The following RMDN2 variants were observed in gnomAD, a reference collection of about 807,000 sequenced individuals.
The protein encoded by RMDN2 is regulator of microtubule dynamics protein 2.
A neutral mutation model predicts 52.8 loss-of-function variants in RMDN2; 61 were observed. That is an observed-to-expected ratio of 1.16 (90% CI 0.94 to 1.43). RMDN2 has a LOEUF of 1.43. RMDN2 is among the 40% of genes most tolerant of loss of function. The pLI is 0.00. For synonymous variants in RMDN2, 180 were observed against 153.1 expected (o/e 1.18, Z -1.30); for missense variants, 592 against 475.3 (o/e 1.25, Z -2.28).
intron 10 of RMDN2, among the ~76,000 whole-genome samples, chr2:38,058,063 A>G (rs1681910511): frequency 6.6e-6 from 1 of 152,248 alleles, no homozygotes; most frequent in South Asian, 2.1e-4. Flanking sequence ...AAAATGTCCG[A>G]CTCATAATAG....
intron 2 of RMDN2, among the ~76,000 whole-genome samples, chr2:37,939,957 A>T (rs1199790857): frequency 6.6e-6 from 1 of 152,122 alleles, no homozygotes; most frequent in Non-Finnish European, 1.5e-5. Flanking sequence ...CCATTAGTTG[A>T]TGCAGTTTCT....
chr2:37,940,755 C>T (rs796658407), intron 2 of RMDN2, among the ~76,000 whole-genome samples: 14 of 152,188 alleles, frequency 9.2e-5, no homozygotes, highest in African/African-American at 3.4e-4. Flanking sequence ...CATTTATGTT[C>T]TTCTCTAAAC....
chr2:38,049,321 C>T (rs1681454752), intron 10 of RMDN2, among the ~76,000 whole-genome samples: 1 of 152,116 alleles, frequency 6.6e-6, no homozygotes, highest in African/African-American at 2.4e-5. Flanking sequence ...GCATGATCAG[C>T]AAAGCTCTCA....
At chr2:37,937,305 A>G (rs1667390788) in intron 2 of RMDN2, among the ~76,000 whole-genome samples, 2 of 152,148 alleles carry the variant, frequency 1.3e-5, no homozygotes, top group South Asian at 4.1e-4. Context: ...TGGTTACTGT[A>G]GTATAGTTTG....
In RMDN2 at chr2:37,956,972, A is replaced by G. The variant is rs527827244; in HGVS notation, c.453-17068A>G. On this transcript the variant is annotated intron_variant, in intron 2 of 10. Coordinates refer to ENST00000354545, the MANE Select transcript of RMDN2 (RefSeq NM_001170791.3). ...TTTCCAGCTTCATCCATGTCCCTGC[A>G]AAGGACATGAACTCATTCTTTTTTA... Among the ~76,000 whole-genome samples the G allele has an allele frequency of 3.9e-5, 6 of 152,300 alleles. No homozygotes were observed. The South Asian group carries it at 8.3e-4, about 21-fold the overall frequency.
At chr2:37,930,474 A>G (rs1432899254) in intron 2 of RMDN2, among the ~76,000 whole-genome samples, 1 of 152,164 alleles carries the variant, frequency 6.6e-6, no homozygotes, top group East Asian at 1.9e-4. Context: ...AATGCCTGAC[A>G]TGACACCAGA....
At chr2:37,932,798 G>C (rs1381893494) in intron 2 of RMDN2, among the ~76,000 whole-genome samples, 1 of 130,940 alleles carries the variant, frequency 7.6e-6, no homozygotes, top group African/African-American at 2.8e-5. Flanking sequence ...CGGACGGGGC[G>C]GCTGGCTGGG....
At chr2:37,983,536 A>T (rs960723101) in intron 5 of RMDN2, among the ~76,000 whole-genome samples, 1 of 152,228 alleles carries the variant, frequency 6.6e-6, no homozygotes, top group African/African-American at 2.4e-5. Flanking sequence ...TTGAATTAAA[A>T]AAATAAAATT....
intron 10 of RMDN2, among the ~76,000 whole-genome samples, chr2:38,005,334 C>T (rs555242210): frequency 1.9e-3 from 290 of 152,268 alleles, no homozygotes; most frequent in African/African-American, 6.4e-3. Context: ...TAAAAGTGTT[C>T]CTATTTCTCC....
At chr2:38,004,402 CAT>C (rs1676776441) in intron 10 of RMDN2, among the ~76,000 whole-genome samples, 186 bp downstream of exon 10, 1 of 152,176 alleles carries the variant, frequency 6.6e-6, no homozygotes, top group African/African-American at 2.4e-5. Context: ...TTTTGATAGA[CAT>C]ATACATTATG....
chr2:37,988,650 C>T (rs766491474), intron 5 of RMDN2, among the ~76,000 whole-genome samples: 12 of 152,152 alleles, frequency 7.9e-5, no homozygotes, highest in Non-Finnish European at 1.6e-4. Context: ...TCCAAAGTTA[C>T]ATTTTTCATC....
At chr2:37,959,880 T>C (rs2197560) in intron 2 of RMDN2, among the ~76,000 whole-genome samples, 66,017 of 150,456 alleles carry the variant, frequency 0.44, 17,011 homozygotes, top group East Asian at 0.79. Context: ...AAGGAACTTA[T>C]TTCTGCCTTA....
chr2:38,035,608 A>T (rs563074142), intron 10 of RMDN2, among the ~76,000 whole-genome samples: 12 of 152,228 alleles, frequency 7.9e-5, no homozygotes, highest in Non-Finnish European at 1.6e-4. Context: ...AAAGTCCATA[A>T]ATACATCCTA....
intron 10 of RMDN2, among the ~76,000 whole-genome samples, chr2:38,023,043 A>G (rs994212751): frequency 1.3e-5 from 2 of 152,214 alleles, no homozygotes; most frequent in African/African-American, 4.8e-5. Flanking sequence ...TAAGAATGGT[A>G]ACACTTACCT....
At chr2:38,057,898 C>T (rs1681904536) in intron 10 of RMDN2, among the ~76,000 whole-genome samples, 1 of 152,192 alleles carries the variant, frequency 6.6e-6, no homozygotes, top group Non-Finnish European at 1.5e-5. Context: ...GAAGCTGCTG[C>T]TATACTTTCT....
chr2:38,061,203 T>G (rs1293264353), intron 10 of RMDN2, among the ~76,000 whole-genome samples: 1 of 151,980 alleles, frequency 6.6e-6, no homozygotes, highest in African/African-American at 2.4e-5. Context: ...TAAGGACAAG[T>G]GTCCTCTTAC....
chr2:37,943,763 T>TC (rs1178194645), intron 2 of RMDN2, among the ~76,000 whole-genome samples: 1 of 152,182 alleles, frequency 6.6e-6, no homozygotes, highest in Admixed American at 6.5e-5. Context: ...CCCCTATCCT[T>TC]CTAAATTAAC....
intron 5 of RMDN2, among the ~76,000 whole-genome samples, chr2:37,987,574 A>G (rs879715170): frequency 6.6e-6 from 1 of 152,186 alleles, no homozygotes; most frequent in Admixed American, 6.5e-5. Context: ...GAGGATTTTT[A>G]TAGGAAGTAA....
At chr2:37,999,466 C>T (rs1676023365) in intron 8 of RMDN2, among the ~76,000 whole-genome samples, 2 of 152,244 alleles carry the variant, frequency 1.3e-5, no homozygotes, top group South Asian at 2.1e-4. Context: ...TGGGGAGCCC[C>T]GCATTAGGTC....
Sources: gnomAD v4.1 joint callset for allele counts (sites outside exome capture counted in the v4.1 genomes callset) on GRCh38, gnomAD v4.1.1 for gene constraint, MANE v1.5 for transcripts, NCBI Gene and HGNC (gene_info 2026-07-23, HGNC 2026-07-21) for gene names.